LRRC4C: variants seen among roughly 807,000 people sequenced by gnomAD.
The protein encoded by LRRC4C is leucine-rich repeat-containing protein 4C.
A neutral mutation model predicts 33.6 loss-of-function variants in LRRC4C; 5 were observed. The observed-to-expected ratio is 0.15, with a 90% CI of 0.08 to 0.31. LRRC4C has a LOEUF of 0.31. Ranked by LOEUF, LRRC4C falls within the 10% of genes least tolerant of loss-of-function variation. The pLI, the probability that LRRC4C is intolerant of heterozygous loss-of-function variation, is 1.00. For synonymous variants in LRRC4C, 329 were observed against 302.0 expected (o/e 1.09, Z -0.93); for missense variants, 560 against 796.7 (o/e 0.70, Z 3.58).
chr11:40,989,161 G>A (rs1302300992), intron 1 of LRRC4C, among the ~76,000 whole-genome samples: 1 of 152,142 alleles, frequency 6.6e-6, no homozygotes, highest in Non-Finnish European at 1.5e-5. Flanking sequence ...TTGACTTTAA[G>A]AGCCTCAAAG....
chr11:40,519,136 T>A (rs1955697126), intron 3 of LRRC4C, among the ~76,000 whole-genome samples: 1 of 152,026 alleles, frequency 6.6e-6, no homozygotes, highest in Non-Finnish European at 1.5e-5. Context: ...AAATATCTAA[T>A]GTAGGTGATG....
intron 3 of LRRC4C, among the ~76,000 whole-genome samples, chr11:40,494,919 G>A (rs1318691032): frequency 6.6e-6 from 1 of 152,132 alleles, no homozygotes; most frequent in East Asian, 1.9e-4. Flanking sequence ...ATGTTGTTAG[G>A]TTTTAAATTT....
intron 3 of LRRC4C, among the ~76,000 whole-genome samples, chr11:40,625,093 T>G (rs760824063): frequency 9.2e-5 from 14 of 152,110 alleles, no homozygotes; most frequent in South Asian, 4.1e-4. Flanking sequence ...TCTGCAGATA[T>G]GACAAAGAAA....
intron 1 of LRRC4C, among the ~76,000 whole-genome samples, chr11:41,225,081 T>C (rs890399855): frequency 6.6e-6 from 1 of 151,990 alleles, no homozygotes; most frequent in Admixed American, 6.6e-5. Flanking sequence ...AATCAAAACA[T>C]TTTGAACACA....
At chr11:41,355,856 C>CTAGTT (rs1352454964) in intron 1 of LRRC4C, among the ~76,000 whole-genome samples, 1 of 151,892 alleles carries the variant, frequency 6.6e-6, no homozygotes, top group Non-Finnish European at 1.5e-5. Flanking sequence ...CAAACTTCTA[C>CTAGTT]TAAGGAGAAT....
At chr11:41,200,514 C>T (rs1346439173) in intron 1 of LRRC4C, among the ~76,000 whole-genome samples, 2 of 151,018 alleles carry the variant, frequency 1.3e-5, no homozygotes, top group East Asian at 3.9e-4. Flanking sequence ...CTTTGGCATC[C>T]TTTTTTTTTA....
At chr11:41,069,380 C>T (rs11511923) in intron 1 of LRRC4C, among the ~76,000 whole-genome samples, 55,992 of 151,894 alleles carry the variant, frequency 0.37, 10,585 homozygotes, top group African/African-American at 0.42. Context: ...TGCCCTCTCT[C>T]ACCACTCCTA....
intron 1 of LRRC4C, among the ~76,000 whole-genome samples, chr11:40,968,367 T>C (rs940873828): frequency 1.3e-5 from 2 of 152,166 alleles, no homozygotes; most frequent in Non-Finnish European, 2.9e-5. Context: ...CAAGCGCTAA[T>C]GTAGAAGCTG....
intron 3 of LRRC4C, among the ~76,000 whole-genome samples, chr11:40,332,244 C>G (rs1159943494): frequency 6.6e-6 from 1 of 152,202 alleles, no homozygotes; most frequent in Non-Finnish European, 1.5e-5. Context: ...TCTGAAGGCT[C>G]TATGGCTGAA....
intron 3 of LRRC4C, among the ~76,000 whole-genome samples, chr11:40,508,003 C>T (rs1322155087): frequency 1.3e-5 from 2 of 152,094 alleles, no homozygotes; most frequent in Non-Finnish European, 2.9e-5. Flanking sequence ...GTGATCCGCC[C>T]ACTTCAGCCT....
chr11:40,743,290 A>C (rs189005685), intron 2 of LRRC4C, among the ~76,000 whole-genome samples: 18 of 152,146 alleles, frequency 1.2e-4, no homozygotes, highest in African/African-American at 3.6e-4. Context: ...TTCTTAAAAC[A>C]ATTTCTCTTA....
chr11:40,576,620 G>C (rs929047759), intron 3 of LRRC4C, among the ~76,000 whole-genome samples: 1 of 152,140 alleles, frequency 6.6e-6, no homozygotes, highest in African/African-American at 2.4e-5. Context: ...AAGTACATCT[G>C]TCTATTTATA....
chr11:40,231,572 A>G (rs940931119), intron 5 of LRRC4C, among the ~76,000 whole-genome samples: 1 of 152,192 alleles, frequency 6.6e-6, no homozygotes, highest in Non-Finnish European at 1.5e-5. Context: ...ACTTTAAATT[A>G]TCTCATTTAA....
intron 1 of LRRC4C, among the ~76,000 whole-genome samples, chr11:41,429,016 T>G (rs1270021473): frequency 6.6e-6 from 1 of 152,124 alleles, no homozygotes; most frequent in Non-Finnish European, 1.5e-5. Context: ...AATCTCATCT[T>G]GAATTGTAGT....
intron 1 of LRRC4C, among the ~76,000 whole-genome samples, chr11:41,377,652 G>A (rs1342339773): frequency 6.6e-6 from 1 of 152,152 alleles, no homozygotes; most frequent in South Asian, 2.1e-4. Flanking sequence ...TCTCCACTTA[G>A]AAAACATAGA....
At chr11:40,215,427 AT>A (rs747933414) in intron 5 of LRRC4C, among the ~76,000 whole-genome samples, 1 of 152,042 alleles carries the variant, frequency 6.6e-6, no homozygotes, top group African/African-American at 2.4e-5. Flanking sequence ...CAATTTTACC[AT>A]TTTCAAGTAT....
chr11:40,971,366 G>T (rs955674646), intron 1 of LRRC4C, among the ~76,000 whole-genome samples: 1 of 152,310 alleles, frequency 6.6e-6, no homozygotes, highest in Admixed American at 6.5e-5. Flanking sequence ...CCCAGATACA[G>T]TTTGAGCTAC....
At chr11:40,449,188 T>G (rs1231145111) in intron 3 of LRRC4C, among the ~76,000 whole-genome samples, 2 of 152,154 alleles carry the variant, frequency 1.3e-5, no homozygotes, top group African/African-American at 4.8e-5. Context: ...TTCAATTCTG[T>G]AGGTTGTTCA....
intron 3 of LRRC4C, among the ~76,000 whole-genome samples, chr11:40,527,957 G>A (rs925353520): frequency 2.6e-5 from 4 of 152,002 alleles, no homozygotes; most frequent in Non-Finnish European, 4.4e-5. Flanking sequence ...TGTTGGTTAG[G>A]CTGGTCTCGA....
Sources: gnomAD v4.1 joint callset for allele counts (sites outside exome capture counted in the v4.1 genomes callset) on GRCh38, gnomAD v4.1.1 for gene constraint, MANE v1.5 for transcripts, NCBI Gene and HGNC (gene_info 2026-07-23, HGNC 2026-07-21) for gene names.